SEPTIN9: variants seen among roughly 807,000 people sequenced by gnomAD.
SEPTIN9 encodes the protein septin-9.
Under a neutral mutation model 56.6 loss-of-function variants are expected in SEPTIN9, and 13 were observed. That is an observed-to-expected ratio of 0.23 (90% confidence interval 0.15 to 0.37). The LOEUF (loss-of-function observed/expected upper bound fraction) is 0.37. SEPTIN9 is among the 10% of genes least tolerant of loss of function. The pLI is 1.00. For synonymous variants in SEPTIN9, 332 were observed against 334.1 expected, an observed-to-expected ratio of 0.99 and a Z score of 0.07; for missense variants, 650 against 823.1, an observed-to-expected ratio of 0.79 and a Z score of 2.57.
chr17:77,337,011 T>C (rs1282858492), intron 2 of SEPTIN9, among the ~76,000 whole-genome samples: 1 of 151,502 alleles, frequency 6.6e-6, no homozygotes, highest in African/African-American at 2.4e-5. Flanking sequence ...TTTTTTTTTT[T>C]TTTTTTTAAA....
At chr17:77,443,758 A>G (rs2037634734) in intron 3 of SEPTIN9, among the ~76,000 whole-genome samples, 1 of 152,052 alleles carries the variant, frequency 6.6e-6, no homozygotes, top group South Asian at 2.1e-4. Flanking sequence ...AGATCGCGCC[A>G]CTACACTCCA....
rs1261081357 is a variant in SEPTIN9, at chr17:77,367,453, T to C, written c.77-34606T>C. Among the ~76,000 whole-genome samples, 1 of 152,138 alleles carries C rather than the reference T, an allele frequency of 6.6e-6. No homozygotes were observed. The highest frequency in any genetic ancestry group is 1.5e-5 in the Non-Finnish European group (1 of 68,026). On this transcript the variant is annotated intron_variant, in intron 2 of 11. Coordinates refer to ENST00000427177, the MANE Select transcript of SEPTIN9 (RefSeq NM_001113491.2). This position sits in a 1 kb window ranked among gnomAD's most constrained non-coding sequence, Gnocchi z 4.5. ...CATTGCACAGGATCGAACAGGTGTGTGTGGAGTCCCTAAAGCCACTGTCTC... is the reference window on the plus strand; with the variant it reads ...CATTGCACAGGATCGAACAGGTGTGCGTGGAGTCCCTAAAGCCACTGTCTC...
chr17:77,429,325 G>A lies in SEPTIN9; in HGVS notation c.721+26622G>A, dbSNP rs2037040654. 2.1e-6 allele frequency: 1 copy of A among 466,802 alleles called. No individual in the cohort carries two copies. Among genetic ancestry groups the A allele is most frequent in the African/African-American group, 2.0e-5 (1 of 50,016 alleles). 28.9% of individuals were successfully genotyped at this position (466,802 alleles called of 1,614,324 possible). On this transcript the variant is annotated intron_variant, in intron 3 of 11. Transcript: ENST00000427177. This position sits in a 1 kb window ranked among gnomAD's most constrained non-coding sequence, Gnocchi z 5.2. ...AGGCCTCCTGCCCTCGCCACGACTG[G>A]CTCCTGCAGCCCACCTGGCTGAGAG...
At position 77,451,606 on chromosome 17, in the gene SEPTIN9, A is replaced by ACCCTGATGTCGCGGC; in HGVS notation, c.722-30530_722-30529insTCGCGGCCCCTGATG. The ACCCTGATGTCGCGGC allele has an allele frequency of 7.4e-6, 7 of 950,682 alleles. No homozygotes were observed. The highest frequency in any genetic ancestry group is 8.8e-6 in the Non-Finnish European group (7 of 798,728). The allele number at this position is 950,682 out of a possible 1,614,324, so 58.9% of individuals were successfully genotyped here. A position where few individuals can be genotyped will look rare whatever the true frequency, so the allele number is the denominator to read the frequency against. On this transcript the variant is annotated intron_variant, in intron 3 of 11. Coordinates refer to ENST00000427177, the MANE Select transcript of SEPTIN9 (RefSeq NM_001113491.2). This position sits in a 1 kb window ranked among gnomAD's most constrained non-coding sequence, Gnocchi z 4.2. ...CTCAGGTGGCGCGGCCGCGAGGCGG[A>ACCCTGATGTCGCGGC]CCCTGATGGCCATGGTGGCGGTGCC... is the stretch of plus-strand genomic sequence containing the variant.
At chr17:77,377,757 A>G (rs1335707721) in intron 2 of SEPTIN9, among the ~76,000 whole-genome samples, 1 of 152,180 alleles carries the variant, frequency 6.6e-6, no homozygotes, top group Non-Finnish European at 1.5e-5. Context: ...CTCTAGAGAA[A>G]AAGGCCCCGT....
In SEPTIN9 at chr17:77,445,267, G is replaced by T. The variant is rs557783764; in HGVS notation, c.722-36877G>T. ...TACCAGCCCTCAGAACCACATTCCT[G>T]CTCCCCAGCCCTTTCCTCCGCACCC... On this transcript the variant is annotated intron_variant, in intron 3 of 11. Transcript: ENST00000427177. This position sits in a 1 kb window ranked among gnomAD's most constrained non-coding sequence, Gnocchi z 4.7. 4 of 469,272 alleles carry T rather than the reference G, an allele frequency of 8.5e-6. No individual in the cohort carries two copies. Among genetic ancestry groups the T allele is most frequent in the Non-Finnish European group, 1.8e-5 (4 of 227,048 alleles). The allele number at this position is 469,272 out of a possible 1,614,324, so 29.1% of individuals were successfully genotyped here.
intron 2 of SEPTIN9, among the ~76,000 whole-genome samples, chr17:77,394,763 C>T (rs1044316327): frequency 6.6e-6 from 1 of 152,164 alleles, no homozygotes; most frequent in Non-Finnish European, 1.5e-5. Context: ...TGCCAGGCAG[C>T]CTGTGGTCAG....
intron 2 of SEPTIN9, chr17:77,320,421 G>A (rs2032870846): frequency 9.1e-6 from 12 of 1,323,634 alleles, no homozygotes; most frequent in Non-Finnish European, 1.2e-5. Flanking sequence ...ATGCCTGGGG[G>A]AATAAGCATG....
At chr17:77,309,425 C>T (rs2032393907) in intron 2 of SEPTIN9, among the ~76,000 whole-genome samples, 1 of 152,254 alleles carries the variant, frequency 6.6e-6, no homozygotes, top group Non-Finnish European at 1.5e-5. Context: ...ATCTTCTTGG[C>T]TTCTTTCTTT....
At chr17:77,426,687 C>G (rs556684448) in intron 3 of SEPTIN9, among the ~76,000 whole-genome samples, 1 of 152,334 alleles carries the variant, frequency 6.6e-6, no homozygotes, top group South Asian at 2.1e-4. Context: ...TTGGAGAGGC[C>G]TCCCTGTCAC....
chr17:77,458,807 G>A (rs1332588745), intron 3 of SEPTIN9, among the ~76,000 whole-genome samples: 1 of 152,206 alleles, frequency 6.6e-6, no homozygotes, highest in Non-Finnish European at 1.5e-5. Context: ...CTCTAAGATG[G>A]AGTGTCCCAG....
chr17:77,386,928 G>A (rs1326321428), intron 2 of SEPTIN9, among the ~76,000 whole-genome samples: 4 of 152,236 alleles, frequency 2.6e-5, no homozygotes, highest in Admixed American at 2.6e-4. Flanking sequence ...GAGGCCCAGA[G>A]GACTCATATC....
chr17:77,467,717 C>T (rs2038808020), intron 3 of SEPTIN9, among the ~76,000 whole-genome samples: 1 of 152,200 alleles, frequency 6.6e-6, no homozygotes. Flanking sequence ...CGCGGAGACG[C>T]CGTGGGAAAG....
chr17:77,462,245 TG>T (rs1401731482), intron 3 of SEPTIN9, among the ~76,000 whole-genome samples: 1 of 152,168 alleles, frequency 6.6e-6, no homozygotes, highest in African/African-American at 2.4e-5. Flanking sequence ...GAGCGGTTTT[TG>T]TTTTGTTTTG....
At chr17:77,495,079 G>A (rs992858090) in intron 10 of SEPTIN9, among the ~76,000 whole-genome samples, 11 of 152,194 alleles carry the variant, frequency 7.2e-5, no homozygotes, top group Non-Finnish European at 1.5e-4. Flanking sequence ...ATGGGCCTGG[G>A]ACGGGCCGGC....
chr17:77,369,500 A>G lies in SEPTIN9; in HGVS notation c.77-32559A>G, dbSNP rs2034658678. Among the ~76,000 whole-genome samples, 1 of 152,116 alleles carries G rather than the reference A, an allele frequency of 6.6e-6. No homozygotes were observed. The highest frequency in any genetic ancestry group is 1.5e-5 in the Non-Finnish European group (1 of 68,004). ...GGTGCCCGGAGACTTGGCTTGAGCA[A>G]CTAGGTGGATGGTAGCACCGTTTCC... On this transcript the variant is annotated intron_variant, in intron 2 of 11. Coordinates refer to ENST00000427177, the MANE Select transcript of SEPTIN9 (RefSeq NM_001113491.2). This position sits in a 1 kb window ranked among gnomAD's most constrained non-coding sequence, Gnocchi z 4.9.
intron 2 of SEPTIN9, among the ~76,000 whole-genome samples, chr17:77,357,117 G>A (rs1164345839): frequency 6.6e-6 from 1 of 152,124 alleles, no homozygotes; most frequent in Admixed American, 6.6e-5. Flanking sequence ...GTCATGCACT[G>A]AGGGCACAAA....
intron 3 of SEPTIN9, among the ~76,000 whole-genome samples, chr17:77,456,000 C>T (rs369681067): frequency 1.3e-5 from 2 of 152,308 alleles, no homozygotes; most frequent in African/African-American, 4.8e-5. Context: ...TGGAAGATTC[C>T]CGGCACCGCT....
chr17:77,390,053 G>A (rs1033694312), intron 2 of SEPTIN9, among the ~76,000 whole-genome samples: 2 of 152,180 alleles, frequency 1.3e-5, no homozygotes, highest in African/African-American at 2.4e-5. Flanking sequence ...CTTCGTCCCG[G>A]ATCAGTCGCT....
Sources: allele counts gnomAD v4.1 joint callset (sites outside exome capture counted in the v4.1 genomes callset), GRCh38; gene constraint gnomAD v4.1.1; non-coding constraint Gnocchi (gnomAD v3.1); transcripts MANE v1.5; gene names NCBI Gene and HGNC (gene_info 2026-07-23, HGNC 2026-07-21).